Variants in NALF1 observed in about 807,000 individuals in gnomAD.
NALF1 encodes NALCN channel auxiliary factor 1, also known as family with sequence similarity 155 member A.
Under a neutral mutation model 48.4 loss-of-function variants are expected in NALF1, and 3 were observed. The ratio of observed to expected loss-of-function variants is 0.06; its 90% CI spans 0.03 to 0.16. NALF1 has a LOEUF of 0.16. Ranked by LOEUF, NALF1 falls within the 10% of genes least tolerant of loss-of-function variation. The probability of loss-of-function intolerance (pLI) is 1.00; values close to 1 mark genes in which losing one functional copy is unlikely to be tolerated. For synonymous variants in NALF1, 262 were observed against 245.7 expected, an observed-to-expected ratio of 1.07 and a Z score of -0.62; for missense variants, 526 against 571.5, an observed-to-expected ratio of 0.92 and a Z score of 0.81.
chr13:107,689,872 T>C (rs772420291), intron 1 of NALF1, among the ~76,000 whole-genome samples: 1 of 152,210 alleles, frequency 6.6e-6, no homozygotes, highest in Non-Finnish European at 1.5e-5. Context: ...TAACATCTCA[T>C]AAAGACTTTA....
chr13:107,245,255 G>A (rs1402851190), intron 1 of NALF1, among the ~76,000 whole-genome samples: 1 of 152,102 alleles, frequency 6.6e-6, no homozygotes, highest in Non-Finnish European at 1.5e-5. Context: ...TGAAAAGCAT[G>A]GTTTTCACGT....
At chr13:107,190,014 T>C (rs138190381) in intron 2 of NALF1, among the ~76,000 whole-genome samples, 1 of 152,318 alleles carries the variant, frequency 6.6e-6, no homozygotes, top group Non-Finnish European at 1.5e-5. Flanking sequence ...ACATTACCTA[T>C]TATGTTCTCC....
intron 1 of NALF1, among the ~76,000 whole-genome samples, chr13:107,671,215 A>G (rs772044634): frequency 1.3e-5 from 2 of 152,198 alleles, no homozygotes; most frequent in Non-Finnish European, 2.9e-5. Context: ...TAAGATAATA[A>G]TATATCTTGT....
intron 1 of NALF1, among the ~76,000 whole-genome samples, chr13:107,576,453 G>A (rs1383184615): frequency 1.3e-5 from 2 of 152,218 alleles, no homozygotes; most frequent in African/African-American, 2.4e-5. Flanking sequence ...ACTCTAAAGG[G>A]TGAGGGTGGG....
rs1260912102 is a variant in NALF1, at chr13:107,533,397, G to A, written c.916-322642C>T. The stretch of plus-strand genomic sequence containing the variant: ...GTCATGAGGCTCCTTCACCATAAAT[G>A]GATAAGGCCCTTCTGAAAAGGGCTT... On this transcript the variant is annotated intron_variant, in intron 1 of 2. Transcript: ENST00000375915. Among the ~76,000 whole-genome samples, 3 of 152,026 alleles carry A rather than the reference G, an allele frequency of 2.0e-5. No homozygotes were observed. In the East Asian group the frequency reaches 5.8e-4, roughly 29 times the overall value.
intron 1 of NALF1, among the ~76,000 whole-genome samples, chr13:107,777,950 C>T (rs1409405130): frequency 6.6e-6 from 1 of 152,176 alleles, no homozygotes; most frequent in Admixed American, 6.5e-5. Context: ...CTTCCTTTGC[C>T]TTTGTGACAT....
intron 1 of NALF1, among the ~76,000 whole-genome samples, chr13:107,707,913 C>A (rs1451893635): frequency 1.1e-4 from 16 of 152,174 alleles, no homozygotes; most frequent in South Asian, 4.2e-4. Context: ...GACTTCCAGA[C>A]CAAAAAGACA....
At chr13:107,577,602 G>A (rs1318780674) in intron 1 of NALF1, among the ~76,000 whole-genome samples, 4 of 152,160 alleles carry the variant, frequency 2.6e-5, no homozygotes, top group Non-Finnish European at 5.9e-5. Flanking sequence ...TATTAGCTCT[G>A]TGATTTAAAG....
chr13:107,528,360 T>C (rs978031489), intron 1 of NALF1, among the ~76,000 whole-genome samples: 1 of 152,180 alleles, frequency 6.6e-6, no homozygotes, highest in African/African-American at 2.4e-5. Flanking sequence ...AAATATATTC[T>C]AACAAGTAAC....
intron 1 of NALF1, among the ~76,000 whole-genome samples, chr13:107,748,194 A>C (rs1876837114): frequency 6.6e-6 from 1 of 152,022 alleles, no homozygotes; most frequent in South Asian, 2.1e-4. Context: ...AAAGCAGGGA[A>C]CTCTTACCAA....
chr13:107,711,619 T>C (rs1404949648), intron 1 of NALF1, among the ~76,000 whole-genome samples: 2 of 152,222 alleles, frequency 1.3e-5, no homozygotes, highest in African/African-American at 2.4e-5. Flanking sequence ...CAGTCAGTTA[T>C]ATAAAGCACC....
intron 2 of NALF1, among the ~76,000 whole-genome samples, chr13:107,182,164 C>G (rs1450466163): frequency 6.6e-6 from 1 of 151,538 alleles, no homozygotes; most frequent in Non-Finnish European, 1.5e-5. Flanking sequence ...GAAAATGTTT[C>G]TTTACCATTC....
chr13:107,369,336 T>C (rs1883208689), intron 1 of NALF1, among the ~76,000 whole-genome samples: 1 of 152,176 alleles, frequency 6.6e-6, no homozygotes, highest in Non-Finnish European at 1.5e-5. Flanking sequence ...ATTTAGGTGA[T>C]TTAAATACAC....
intron 1 of NALF1, among the ~76,000 whole-genome samples, chr13:107,261,970 A>T (rs935318041): frequency 1.3e-5 from 2 of 152,170 alleles, no homozygotes; most frequent in African/African-American, 4.8e-5. Flanking sequence ...CCAGGTATGG[A>T]AATATATCAG....
At chr13:107,603,108 A>G (rs188045353) in intron 1 of NALF1, among the ~76,000 whole-genome samples, 12 of 152,334 alleles carry the variant, frequency 7.9e-5, no homozygotes, top group African/African-American at 2.6e-4. Context: ...TTTATAAAGC[A>G]ATGCTAAAAT....
intron 1 of NALF1, among the ~76,000 whole-genome samples, chr13:107,693,941 T>G (rs561689129): frequency 6.6e-6 from 1 of 152,266 alleles, no homozygotes; most frequent in East Asian, 1.9e-4. Context: ...AGGAGGAAAC[T>G]GAAGAGAGGG....
intron 1 of NALF1, among the ~76,000 whole-genome samples, chr13:107,508,511 TA>T (rs1290996185): frequency 6.6e-6 from 1 of 152,102 alleles, no homozygotes; most frequent in African/African-American, 2.4e-5. Flanking sequence ...GCCAAGTCAC[TA>T]ACCAGGTGTG....
intron 1 of NALF1, among the ~76,000 whole-genome samples, chr13:107,577,168 A>G (rs529139596): frequency 1.3e-5 from 2 of 152,316 alleles, no homozygotes; most frequent in South Asian, 4.1e-4. Context: ...GTCCAGTTCC[A>G]GAGGTAGAAG....
chr13:107,182,259 T>TCC (rs1879081769), intron 2 of NALF1, among the ~76,000 whole-genome samples: 1 of 151,372 alleles, frequency 6.6e-6, no homozygotes, highest in African/African-American at 2.4e-5. Flanking sequence ...TGTCCGTGTG[T>TCC]GTGTGTGTGT....
Sources: allele counts gnomAD v4.1 joint callset (sites outside exome capture counted in the v4.1 genomes callset), GRCh38; gene constraint gnomAD v4.1.1; transcripts MANE v1.5; gene names NCBI Gene and HGNC (gene_info 2026-07-23, HGNC 2026-07-21).